Variants in PM20D2 observed in about 807,000 individuals in gnomAD.
The protein encoded by PM20D2 is peptidase M20 domain containing 2.
A neutral mutation model predicts 42.9 loss-of-function variants in PM20D2; 33 were observed. The observed-to-expected ratio is 0.77, with a 90% CI of 0.58 to 1.03. The LOEUF is 1.03. PM20D2 is among the 50% of genes least tolerant of loss of function. The pLI is 0.00. For synonymous variants in PM20D2, 250 were observed against 228.2 expected (o/e 1.10, Z -0.86); for missense variants, 548 against 557.0 (o/e 0.98, Z 0.16).
At chr6:89,133,766 A>C in the PM20D2 span, among the ~76,000 whole-genome samples, 1 of 151,230 alleles carries the variant, frequency 6.6e-6, no homozygotes, top group Non-Finnish European at 1.5e-5. Context: ...TCTTGGACTC[A>C]TGAAGAAACC....
At chr6:89,128,467 T>C in the PM20D2 span, among the ~76,000 whole-genome samples, 71 of 152,246 alleles carry the variant, frequency 4.7e-4, 1 homozygote, top group South Asian at 0.014. Context: ...TGTGCACTGC[T>C]GAACATAGAC....
chr6:89,149,031 C>G (rs1770730132), intron 1 of PM20D2, among the ~76,000 whole-genome samples: 1 of 152,022 alleles, frequency 6.6e-6, no homozygotes, highest in African/African-American at 2.4e-5. Flanking sequence ...TTGGGAAAAG[C>G]TTTTTATAGT....
chr6:89,114,153 C>A, the PM20D2 span, among the ~76,000 whole-genome samples: 1 of 152,200 alleles, frequency 6.6e-6, no homozygotes, highest in Non-Finnish European at 1.5e-5. Flanking sequence ...TACGGCCAGG[C>A]GCAGTGGCTC....
In PM20D2 at chr6:89,156,106, G is replaced by A. The variant is rs536868768; in HGVS notation, c.912+1204G>A. ...TCATCATGTTGGCCAGGCTGGTCTCGAACTCCTGACCTTGTGATCCACCCA... is the reference window on the plus strand; with the variant it reads ...TCATCATGTTGGCCAGGCTGGTCTCAAACTCCTGACCTTGTGATCCACCCA... On this transcript the variant is annotated intron_variant, in intron 4 of 6. Transcript: ENST00000275072. 2.6e-5 allele frequency among the ~76,000 whole-genome samples: 4 copies of A among 151,894 alleles called. No individual in the cohort carries two copies. The South Asian group carries it at 6.3e-4, about 24-fold the overall frequency.
the PM20D2 span, among the ~76,000 whole-genome samples, chr6:89,127,912 G>A: frequency 6.6e-6 from 1 of 152,180 alleles, no homozygotes; most frequent in Non-Finnish European, 1.5e-5. Flanking sequence ...TAATTTTTAT[G>A]CCTGTCTTTA....
At chr6:89,144,811 G>T (rs1770466845), upstream of PM20D2, among the ~76,000 whole-genome samples, 1 of 128,356 alleles carries the variant, frequency 7.8e-6, no homozygotes, top group African/African-American at 3.5e-5. Flanking sequence ...ACCAGAGAAA[G>T]ATTTATTATC....
In PM20D2 at chr6:89,162,871, A is replaced by T. The variant is rs1300347737; in HGVS notation, c.*608A>T. The T allele has an allele frequency of 2.6e-5, 4 of 152,310 alleles. No individual in the cohort carries two copies. Among genetic ancestry groups the T allele is most frequent in the Non-Finnish European group, 5.9e-5 (4 of 68,296 alleles). The allele number at this position is 152,310 out of a possible 1,614,324, so 9.4% of individuals were successfully genotyped here. A position where few individuals can be genotyped will look rare whatever the true frequency, so the allele number is the denominator to read the frequency against. On this transcript the variant is annotated 3_prime_UTR_variant, in exon 7 of 7. Coordinates refer to ENST00000275072, the MANE Select transcript of PM20D2 (RefSeq NM_001010853.3). ...AACCTCTGCCTCCCAGGTTCAAGTGATTCTCCTGCCTCAGCCTACCAAGTA... is the reference window on the plus strand; with the variant it reads ...AACCTCTGCCTCCCAGGTTCAAGTGTTTCTCCTGCCTCAGCCTACCAAGTA...
chr6:89,134,352 TAAGTG>T, the PM20D2 span, among the ~76,000 whole-genome samples: 1 of 151,136 alleles, frequency 6.6e-6, no homozygotes, highest in Non-Finnish European at 1.5e-5. Context: ...GCCAAACACT[TAAGTG>T]AACTATGCAA....
the PM20D2 span, among the ~76,000 whole-genome samples, chr6:89,139,273 C>G: frequency 6.6e-6 from 1 of 151,986 alleles, no homozygotes; most frequent in Non-Finnish European, 1.5e-5. Context: ...TGGGGTCTTG[C>G]TGTGTTTCTC....
upstream of PM20D2, among the ~76,000 whole-genome samples, chr6:89,141,313 G>A (rs576605620): frequency 1.3e-5 from 2 of 152,116 alleles, no homozygotes; most frequent in South Asian, 2.1e-4. Context: ...TTCTGCCCAC[G>A]GAATGTTTCT....
intron 4 of PM20D2, among the ~76,000 whole-genome samples, chr6:89,155,982 TCA>T (rs1771037795): frequency 5.3e-5 from 8 of 152,122 alleles, no homozygotes; most frequent in Non-Finnish European, 7.4e-5. Context: ...CCTCCCAGGT[TCA>T]AACAATTCTC....
At chr6:89,144,142 C>T (rs1770433158), upstream of PM20D2, among the ~76,000 whole-genome samples, 1 of 152,136 alleles carries the variant, frequency 6.6e-6, no homozygotes, top group South Asian at 2.1e-4. Flanking sequence ...TGAATACATA[C>T]GTGCCTGTGG....
chr6:89,116,521 T>C, the PM20D2 span, among the ~76,000 whole-genome samples: 1 of 152,178 alleles, frequency 6.6e-6, no homozygotes, highest in African/African-American at 2.4e-5. Context: ...ATGCCTGTAA[T>C]CTCAGCGCTT....
the PM20D2 span, among the ~76,000 whole-genome samples, chr6:89,103,958 C>A: frequency 6.8e-6 from 1 of 148,090 alleles, no homozygotes; most frequent in Admixed American, 6.8e-5. Context: ...TAACTTTAGT[C>A]AACCACCTTT....
the PM20D2 span, among the ~76,000 whole-genome samples, chr6:89,114,617 A>AG: frequency 6.6e-6 from 1 of 150,798 alleles, no homozygotes; most frequent in Admixed American, 6.6e-5. Flanking sequence ...AAAAAAAAAA[A>AG]GTGAAAAAAT....
the PM20D2 span, among the ~76,000 whole-genome samples, chr6:89,112,959 C>T: frequency 3.3e-5 from 5 of 152,198 alleles, no homozygotes; most frequent in East Asian, 9.6e-4. Flanking sequence ...AGTATTGTAA[C>T]ATGCTGTACA....
intron 1 of PM20D2, chr6:89,148,641 A>G: frequency 3.6e-6 from 3 of 842,308 alleles, no homozygotes; most frequent in Non-Finnish European, 2.9e-6. Context: ...TTCTTCATAA[A>G]GGATTAATGA....
chr6:89,139,056 G>A, the PM20D2 span, among the ~76,000 whole-genome samples: 1 of 151,998 alleles, frequency 6.6e-6, no homozygotes, highest in Non-Finnish European at 1.5e-5. Context: ...AGAGCAAATA[G>A]GACTGTAAAA....
At chr6:89,139,274 T>C in the PM20D2 span, among the ~76,000 whole-genome samples, 2 of 152,120 alleles carry the variant, frequency 1.3e-5, no homozygotes, top group South Asian at 4.1e-4. Context: ...GGGGTCTTGC[T>C]GTGTTTCTCA....
Sources: gnomAD v4.1 joint callset for allele counts (sites outside exome capture counted in the v4.1 genomes callset) on GRCh38, gnomAD v4.1.1 for gene constraint, MANE v1.5 for transcripts, NCBI Gene and HGNC (gene_info 2026-07-23, HGNC 2026-07-21) for gene names.